CAPZB: variants seen among roughly 807,000 people sequenced by gnomAD.
CAPZB encodes the protein capping actin protein of muscle Z-line subunit beta, also known as F-actin-capping protein subunit beta.
In CAPZB, 2 loss-of-function variants were observed where a neutral mutation model predicts 38.1. The observed-to-expected ratio is 0.05, with a 90% CI of 0.02 to 0.17. The LOEUF (loss-of-function observed/expected upper bound fraction) is 0.17. Among genes scored for constraint, CAPZB ranks in the 10% least tolerant of loss-of-function variants. The probability of loss-of-function intolerance (pLI) is 1.00; values close to 1 mark genes in which losing one functional copy is unlikely to be tolerated. For synonymous variants in CAPZB, 107 were observed against 127.4 expected, an observed-to-expected ratio of 0.84 and a Z score of 1.08; for missense variants, 161 against 334.2, an observed-to-expected ratio of 0.48 and a Z score of 4.04.
chr1:19,398,184 G>A (rs1433033839), intron 2 of CAPZB, among the ~76,000 whole-genome samples: 1 of 142,510 alleles, frequency 7.0e-6, no homozygotes, highest in East Asian at 2.1e-4. Context: ...GAGGAACTCC[G>A]TGACCTCCAG....
intron 2 of CAPZB, among the ~76,000 whole-genome samples, chr1:19,406,025 C>G (rs1250532025): frequency 1.3e-5 from 2 of 152,214 alleles, no homozygotes; most frequent in African/African-American, 4.8e-5. Context: ...CAAGGCCTCT[C>G]TCAGGCAGGC....
chr1:19,427,393 A>G (rs965476514), intron 1 of CAPZB, among the ~76,000 whole-genome samples: 3 of 152,266 alleles, frequency 2.0e-5, no homozygotes, highest in East Asian at 1.9e-4. Context: ...CTTCATAGAC[A>G]GCACAAAGGT....
At chr1:19,413,262 C>A (rs942551073) in intron 2 of CAPZB, among the ~76,000 whole-genome samples, 1 of 152,216 alleles carries the variant, frequency 6.6e-6, no homozygotes, top group Non-Finnish European at 1.5e-5. Context: ...TGCCTGACTT[C>A]CAGGAGGTGC....
At chr1:19,346,452 TAAAAAAAAAAAAAA>T (rs200968507) in intron 6 of CAPZB, among the ~76,000 whole-genome samples, 53 of 73,260 alleles carry the variant, frequency 7.2e-4, no homozygotes, top group Middle Eastern at 7.8e-3. Flanking sequence ...TGAGAGAAGC[TAAAAAAAAAAAAAA>T]AAAAAAAAAA....
intron 2 of CAPZB, among the ~76,000 whole-genome samples, chr1:19,410,393 C>A (rs971502274): frequency 6.6e-5 from 10 of 152,306 alleles, no homozygotes; most frequent in African/African-American, 2.4e-4. Context: ...TTTGTTTTAA[C>A]TGAAAGTATA....
intron 1 of CAPZB, among the ~76,000 whole-genome samples, chr1:19,443,821 A>T (rs184287846): frequency 6.6e-6 from 1 of 152,254 alleles, no homozygotes. Flanking sequence ...CCTCACCAAG[A>T]GGGACTCAAA....
intron 4 of CAPZB, among the ~76,000 whole-genome samples, chr1:19,378,027 C>CA (rs112666784): frequency 6.6e-6 from 1 of 152,200 alleles, no homozygotes; most frequent in African/African-American, 2.4e-5. Context: ...TGTGGTATGG[C>CA]AAAAAAATCC....
At chr1:19,391,212 TA>T (rs2094232728) in intron 2 of CAPZB, among the ~76,000 whole-genome samples, 1 of 152,022 alleles carries the variant, frequency 6.6e-6, no homozygotes. Context: ...CATTAGTTAT[TA>T]ATGTTGAAAA....
intron 1 of CAPZB, chr1:19,449,189 C>T (rs1426196720): frequency 8.1e-7 from 1 of 1,232,054 alleles, no homozygotes; most frequent in Non-Finnish European, 1.0e-6. Context: ...TGTCTCTGAG[C>T]AGGCCTGAAA....
intron 2 of CAPZB, among the ~76,000 whole-genome samples, chr1:19,414,699 C>T (rs969387845): frequency 6.6e-6 from 1 of 152,198 alleles, no homozygotes; most frequent in Non-Finnish European, 1.5e-5. Flanking sequence ...GCTCAAAATA[C>T]ACCCCAGCTG....
At chr1:19,402,109 A>C (rs1558228882) in intron 2 of CAPZB, among the ~76,000 whole-genome samples, 2 of 152,196 alleles carry the variant, frequency 1.3e-5, no homozygotes, top group African/African-American at 4.8e-5. Context: ...TCCTCTGCCA[A>C]AATCTACGAG....
rs542214428 is a variant in CAPZB, at chr1:19,403,364, G to C, written c.93+16297C>G. Among the ~76,000 whole-genome samples, 11 of 152,348 alleles carry C rather than the reference G, an allele frequency of 7.2e-5. No individual in the cohort carries two copies. The East Asian group carries it at 2.1e-3, about 29-fold the overall frequency. ...AGGGGCATGCTGGGGGGCAGGGTGA[G>C]GGAAGTGAGGCTCCAGCGGAGATGG... On this transcript the variant is annotated intron_variant, in intron 2 of 8. Coordinates refer to ENST00000264202, the MANE Select transcript of CAPZB (RefSeq NM_004930.5).
At chr1:19,390,825 C>G (rs567259871) in intron 2 of CAPZB, among the ~76,000 whole-genome samples, 15 of 152,322 alleles carry the variant, frequency 9.8e-5, no homozygotes, top group African/African-American at 3.1e-4. Context: ...ACCAGGTGAT[C>G]GTAATAGCCC....
At chr1:19,468,864 T>G (rs1013331012) in intron 1 of CAPZB, among the ~76,000 whole-genome samples, 2 of 152,150 alleles carry the variant, frequency 1.3e-5, no homozygotes, top group South Asian at 4.1e-4. Context: ...TCACCTCCAC[T>G]TCAACAAAAT....
intron 4 of CAPZB, among the ~76,000 whole-genome samples, chr1:19,358,983 A>G (rs1168214827): frequency 6.6e-6 from 1 of 152,202 alleles, no homozygotes; most frequent in African/African-American, 2.4e-5. Flanking sequence ...ACTATTTACT[A>G]AGGGACCAGC....
At chr1:19,394,241 C>T (rs1570112854) in intron 2 of CAPZB, among the ~76,000 whole-genome samples, 4 of 152,308 alleles carry the variant, frequency 2.6e-5, no homozygotes, top group Admixed American at 2.6e-4. Flanking sequence ...CCTCCTTGCC[C>T]TCTCAAAGTG....
At chr1:19,388,647 T>A (rs1293225640) in intron 2 of CAPZB, among the ~76,000 whole-genome samples, 1 of 152,196 alleles carries the variant, frequency 6.6e-6, no homozygotes, top group African/African-American at 2.4e-5. Context: ...AGCCCTGGCA[T>A]TTTTTATTAA....
intron 1 of CAPZB, among the ~76,000 whole-genome samples, chr1:19,433,856 C>T (rs2094449930): frequency 6.6e-6 from 1 of 152,154 alleles, no homozygotes. Context: ...TCGGCCTTCC[C>T]CATCCAGCTC....
At chr1:19,379,614 T>C (rs1328640243) in intron 3 of CAPZB, among the ~76,000 whole-genome samples, 1 of 152,206 alleles carries the variant, frequency 6.6e-6, no homozygotes, top group Non-Finnish European at 1.5e-5. Flanking sequence ...GGATAGCTTT[T>C]CCAACATCCA....
Sources: allele counts gnomAD v4.1 joint callset (sites outside exome capture counted in the v4.1 genomes callset), GRCh38; gene constraint gnomAD v4.1.1; transcripts MANE v1.5; gene names NCBI Gene and HGNC (gene_info 2026-07-23, HGNC 2026-07-21).